Variants in CD81 observed in about 807,000 individuals in gnomAD.
The protein encoded by CD81 is CD81 antigen.
In CD81, 10 loss-of-function variants were observed where a neutral mutation model predicts 30.1. The observed-to-expected ratio is 0.33, with a 90% CI of 0.21 to 0.56. The LOEUF is 0.56. Ranked by LOEUF, CD81 falls within the 20% of genes least tolerant of loss-of-function variation. CD81 has a pLI of 0.89. For missense variants in CD81, 263 were observed against 308.7 expected, an observed-to-expected ratio of 0.85 and a Z score of 1.11; for synonymous variants, 147 against 126.4, an observed-to-expected ratio of 1.16 and a Z score of -1.10.
rs368448552 is a variant in CD81 at position 2,396,873 on chromosome 11, G to A, written c.*7G>A. The A allele has an allele frequency of 3.1e-5, 50 of 1,612,246 alleles. No homozygotes were observed. Among genetic ancestry groups the A allele is most frequent in the Admixed American group, 8.3e-5 (5 of 60,016 alleles). On this transcript the variant is annotated 3_prime_UTR_variant, in exon 8 of 8. Coordinates refer to ENST00000263645, the MANE Select transcript of CD81 (RefSeq NM_004356.4). ...GAACAGCTCCGTGTACTGAGGCCCC[G>A]CAGCTCTGGCCACAGGGACCTCTGC...
chr11:2,377,655 C>A lies in CD81; in HGVS notation c.66+40C>A, dbSNP rs1849622431. ...GGGGGCCGGGGCGGGAGGGGGCAGG[C>A]ACACACTCCACGTTGGGCAGGTCCC... On this transcript the variant is annotated intron_variant, in intron 1 of 7. Coordinates refer to ENST00000263645, the MANE Select transcript of CD81 (RefSeq NM_004356.4). This position sits in a 1 kb window ranked among gnomAD's most constrained non-coding sequence, Gnocchi z 7.7. 3 of 1,354,260 alleles carry A rather than the reference C, an allele frequency of 2.2e-6. No individual in the cohort carries two copies. The African/African-American group carries it at 4.5e-5, about 20-fold the overall frequency. 83.9% of individuals were successfully genotyped at this position (1,354,260 alleles called of 1,614,324 possible).
chr11:2,390,329 TGCTTAGGCCTTGCGTGTGGGGTGGGC>T (rs1367530085), intron 1 of CD81, 57 bp from the exon 2 acceptor site: 1 of 1,057,684 alleles, frequency 9.5e-7, no homozygotes, highest in Non-Finnish European at 1.5e-6. Flanking sequence ...GGCAGGAGGC[TGCTTAGGCCTTGCGTGTGGGGTGGGC>T]GCACTCCCTG....
At chr11:2,394,805 C>T in intron 3 of CD81, 167 bp from the exon 4 acceptor site, 2 of 707,260 alleles carry the variant, frequency 2.8e-6, no homozygotes, top group South Asian at 3.0e-5. Flanking sequence ...GAGTTTTAGC[C>T]TCTGTGCCCC....
intron 4 of CD81, 161 bp from the exon 5 acceptor site, chr11:2,395,255 C>T (rs113046717): frequency 2.9e-5 from 21 of 736,148 alleles, no homozygotes; most frequent in Admixed American, 1.2e-4. Flanking sequence ...CCAGCACTCC[C>T]GGGGCAGCTG....
chr11:2,381,550 C>T (rs972563228), intron 1 of CD81, among the ~76,000 whole-genome samples: 4 of 152,274 alleles, frequency 2.6e-5, no homozygotes, highest in Admixed American at 6.5e-5. Flanking sequence ...CACCTGAAAT[C>T]GCACCACGGG....
chr11:2,395,983 G>C lies in CD81; in HGVS notation c.561+13G>C, dbSNP rs781114589. On this transcript the variant is annotated intron_variant, in intron 6 of 7. Coordinates refer to ENST00000263645, the MANE Select transcript of CD81 (RefSeq NM_004356.4). ...CAACCTCTTCAAGGTGCGCGAGGCC[G>C]GTGGGGCCGCGCCTGACCCCCCGCA... is the stretch of plus-strand genomic sequence containing the variant. 1 of 1,568,080 alleles carries C rather than the reference G, an allele frequency of 6.4e-7. No homozygotes were observed. The highest frequency in any genetic ancestry group is 1.1e-5 in the South Asian group (1 of 90,228).
Position 2,396,820 on chromosome 11 carries a change from T to C in CD81, c.665T>C (p.Leu222Pro), listed in dbSNP as rs1386278339. ...VAVIMIFEMI[L>P]SMVLCCGIRN... ...CTCCTGCAGATCTTCGAGATGATCC[T>C]GAGCATGGTGCTGTGCTGTGGCATC... The change falls in exon 8 of 8, where the codon CTG becomes CCG. Residue 222 changes from leucine (L) to proline (P), a missense_variant. Physicochemically the swap from Leu to Pro is moderately conservative, Grantham distance 98. Coordinates refer to ENST00000263645, the MANE Select transcript of CD81 (RefSeq NM_004356.4). 6.2e-7 allele frequency: 1 copy of C among 1,612,814 alleles called. No homozygotes were observed. The highest frequency in any genetic ancestry group is 1.1e-5 in the South Asian group (1 of 91,086).
At chr11:2,396,467 G>A (rs534325229) in intron 6 of CD81, 161 bp from the exon 7 acceptor site, 18 of 699,178 alleles carry the variant, frequency 2.6e-5, no homozygotes, top group Admixed American at 6.0e-5. Flanking sequence ...GGCAGAGGCC[G>A]GGCCGCTGCA....
Position 2,394,198 on chromosome 11 carries a change from G to A in CD81, c.279+6G>A, listed in dbSNP as rs1160047277. ...CCCAGTGCCTGCTGGGGACGGTAAG[G>A]CAGGGAGGCGGGCCTGTGCCTGGGC... is the stretch of plus-strand genomic sequence containing the variant. On this transcript the variant is annotated splice_donor_region_variant and intron_variant, in intron 3 of 7. Coordinates refer to ENST00000263645, the MANE Select transcript of CD81 (RefSeq NM_004356.4). 6.2e-7 allele frequency: 1 copy of A among 1,601,150 alleles called. No individual in the cohort carries two copies. The highest frequency in any genetic ancestry group is 8.5e-7 in the Non-Finnish European group (1 of 1,170,610).
intron 1 of CD81, chr11:2,386,597 G>A: frequency 1.4e-6 from 1 of 717,280 alleles, no homozygotes; most frequent in Non-Finnish European, 2.6e-6. Flanking sequence ...AGCTTGGCAT[G>A]GCCCCGTTTG....
At chr11:2,383,480 CCTCCTTCA>C (rs373259194) in intron 1 of CD81, among the ~76,000 whole-genome samples, 3 of 152,306 alleles carry the variant, frequency 2.0e-5, no homozygotes, top group African/African-American at 7.2e-5. Context: ...GAGCCCCTCC[CCTCCTTCA>C]CCCAGTATCT....
intron 6 of CD81, chr11:2,396,228 C>A: frequency 1.7e-6 from 1 of 584,244 alleles, no homozygotes; most frequent in South Asian, 1.9e-5. Context: ...GCACCCCCAG[C>A]TCCACGTGTG....
chr11:2,380,581 C>A (rs1442756577), intron 1 of CD81, among the ~76,000 whole-genome samples: 1 of 152,142 alleles, frequency 6.6e-6, no homozygotes, highest in African/African-American at 2.4e-5. Flanking sequence ...GCGCGGCGGG[C>A]CCAAGCAGGG....
At chr11:2,382,197 G>A (rs918450663) in intron 1 of CD81, among the ~76,000 whole-genome samples, 4 of 152,248 alleles carry the variant, frequency 2.6e-5, no homozygotes, top group Non-Finnish European at 4.4e-5. Flanking sequence ...GGGATGGCCA[G>A]GATAAGGCAT....
chr11:2,394,104 T>C lies in CD81; in HGVS notation c.191T>C (p.Ile64Thr), dbSNP rs754704039. ...TCTCTCTCCCCGCAAGGCATCTACA[T>C]CCTCATCGCTGTGGGCGCTGTCATG... Reference protein sequence around the residue: ...APNTFYVGIYILIAVGAVMMF... With the variant: ...APNTFYVGIYTLIAVGAVMMF... The change falls in exon 3 of 8, where the codon ATC becomes ACC. Residue 64 changes from isoleucine to threonine, a missense_variant. By Grantham distance (89) the Ile-to-Thr change is moderately conservative. Transcript: ENST00000263645. 6.2e-7 allele frequency: 1 copy of C among 1,612,866 alleles called. No homozygotes were observed. The highest frequency in any genetic ancestry group is 2.2e-5 in the East Asian group (1 of 44,846).
rs567659627 is a variant in CD81 at position 2,390,128 on chromosome 11, T to C, written c.67-284T>C. On this transcript the variant is annotated intron_variant, in intron 1 of 7. Transcript: ENST00000263645. ...ATTCTGTTTTCATCTGAGAGGCAGATTTAACCGGCGTCCCGTGTCTTCCTG... is the reference window on the plus strand; with the variant it reads ...ATTCTGTTTTCATCTGAGAGGCAGACTTAACCGGCGTCCCGTGTCTTCCTG... 101 of 558,392 alleles carry C rather than the reference T, an allele frequency of 1.8e-4. 1 individual carries two copies. In the South Asian group the frequency reaches 2.0e-3, roughly 11 times the overall value. 34.6% of individuals were successfully genotyped at this position (558,392 alleles called of 1,614,324 possible). A position where few individuals can be genotyped will look rare whatever the true frequency, so the allele number is the denominator to read the frequency against.
intron 1 of CD81, among the ~76,000 whole-genome samples, chr11:2,388,431 GCACAGCC>G (rs2133452591): frequency 6.8e-6 from 1 of 147,354 alleles, no homozygotes; most frequent in South Asian, 2.1e-4. Context: ...GCTCTGCTGA[GCACAGCC>G]CCCTGCCCAA....
chr11:2,387,443 G>A (rs1057203690), intron 1 of CD81, among the ~76,000 whole-genome samples: 4 of 152,220 alleles, frequency 2.6e-5, no homozygotes, highest in Non-Finnish European at 2.9e-5. Flanking sequence ...GAGTTACCAC[G>A]GCAACTCTCG....
chr11:2,395,668 C>A (rs76296735), intron 5 of CD81, 148 bp downstream of exon 5: 3 of 766,240 alleles, frequency 3.9e-6, no homozygotes, highest in Non-Finnish European at 6.7e-6. Flanking sequence ...AACTGGTCCT[C>A]GGGTGGGAAC....
Sources: allele counts gnomAD v4.1 joint callset (sites outside exome capture counted in the v4.1 genomes callset), GRCh38; gene constraint gnomAD v4.1.1; non-coding constraint Gnocchi (gnomAD v3.1); transcripts MANE v1.5; gene names NCBI Gene and HGNC (gene_info 2026-07-23, HGNC 2026-07-21).